GREB1: variants seen among roughly 807,000 people sequenced by gnomAD.
The protein encoded by GREB1 is growth regulating estrogen receptor binding 1, also known as protein GREB1.
In GREB1, 106 loss-of-function variants were observed where a neutral mutation model predicts 200.7. That is an observed-to-expected ratio of 0.53 (90% confidence interval 0.45 to 0.62). GREB1 has a LOEUF of 0.62. Ranked by LOEUF, GREB1 falls within the 20% of genes least tolerant of loss-of-function variation. The pLI, the probability that GREB1 is intolerant of heterozygous loss-of-function variation, is 0.00. For missense variants in GREB1, 2,243 were observed against 2,556.8 expected, an observed-to-expected ratio of 0.88 and a Z score of 2.65; for synonymous variants, 1,132 against 1,092.4, an observed-to-expected ratio of 1.04 and a Z score of -0.72.
At chr2:11,544,645 C>T (rs1349792021) in intron 1 of GREB1, among the ~76,000 whole-genome samples, 1 of 152,186 alleles carries the variant, frequency 6.6e-6, no homozygotes, top group African/African-American at 2.4e-5. Flanking sequence ...TTGGAATGGG[C>T]TGGAGCCAGA....
chr2:11,607,396 C>G (rs1455351654), intron 17 of GREB1, among the ~76,000 whole-genome samples: 2 of 150,328 alleles, frequency 1.3e-5, no homozygotes, highest in Non-Finnish European at 1.5e-5. Context: ...TCTATGTTAT[C>G]TAATCTGCTG....
intron 3 of GREB1, among the ~76,000 whole-genome samples, chr2:11,565,002 C>T (rs1244368547): frequency 6.6e-6 from 1 of 152,176 alleles, no homozygotes; most frequent in Non-Finnish European, 1.5e-5. Flanking sequence ...GAAAGACCCA[C>T]CCCCATGATT....
intron 10 of GREB1, chr2:11,591,733 A>G (rs1265957219): frequency 2.8e-6 from 1 of 362,468 alleles, no homozygotes; most frequent in South Asian, 3.2e-5. Context: ...CAAGATGTGC[A>G]TTGCAGAGGG....
intron 22 of GREB1, among the ~76,000 whole-genome samples, chr2:11,620,003 A>C (rs1258766375): frequency 6.6e-6 from 1 of 152,096 alleles, no homozygotes; most frequent in African/African-American, 2.4e-5. Context: ...TTTCAGACGG[A>C]GTCTCGCTCT....
At chr2:11,486,443 C>T (rs1320014137) in intron 1 of GREB1, among the ~76,000 whole-genome samples, 1 of 152,038 alleles carries the variant, frequency 6.6e-6, no homozygotes, top group Admixed American at 6.6e-5. Flanking sequence ...GGCAACCTCG[C>T]CCAGCCTAAT....
At chr2:11,509,203 C>G (rs1673281436) in intron 1 of GREB1, among the ~76,000 whole-genome samples, 1 of 152,132 alleles carries the variant, frequency 6.6e-6, no homozygotes, top group South Asian at 2.1e-4. Flanking sequence ...AGAATTCCCC[C>G]TAAGTCCAAA....
chr2:11,565,242 TGATGA>T (rs889702259), intron 3 of GREB1, among the ~76,000 whole-genome samples: 3 of 152,152 alleles, frequency 2.0e-5, no homozygotes, highest in Admixed American at 6.5e-5. Flanking sequence ...TTGCTGCAGG[TGATGA>T]GATGAGAGCT....
chr2:11,595,511 C>A, intron 12 of GREB1, 132 bp downstream of exon 12: 1 of 833,152 alleles, frequency 1.2e-6, no homozygotes, highest in Non-Finnish European at 1.9e-6. Context: ...GCCCCTCATT[C>A]TGTGCACTTG....
In GREB1 at chr2:11,612,628, G is replaced by T; in HGVS notation, c.3122+18G>T. 6.7e-7 allele frequency: 1 copy of T among 1,489,722 alleles called. No individual in the cohort carries two copies. The allele number at this position is 1,489,722 out of a possible 1,614,324, so 92.3% of individuals were successfully genotyped here. On this transcript the variant is annotated intron_variant, in intron 19 of 32. Transcript: ENST00000381486. ...TTGCCGAGGTGAGTGGAGGGGTTAT[G>T]CCCCTGGGGGTCTCTGAGGAGCTGG...
intron 1 of GREB1, among the ~76,000 whole-genome samples, chr2:11,528,183 A>G (rs1361058249): frequency 6.6e-6 from 1 of 152,250 alleles, no homozygotes; most frequent in East Asian, 1.9e-4. Context: ...TGTCTGAGGA[A>G]CAGATCACAA....
chr2:11,619,608 CGTT>C (rs1185962667), intron 22 of GREB1, among the ~76,000 whole-genome samples: 1 of 152,196 alleles, frequency 6.6e-6, no homozygotes, highest in Non-Finnish European at 1.5e-5. Flanking sequence ...AGTTTAAAAT[CGTT>C]GTCTCTTTGA....
At chr2:11,501,522 T>G (rs1447086333) in intron 1 of GREB1, among the ~76,000 whole-genome samples, 5 of 152,040 alleles carry the variant, frequency 3.3e-5, no homozygotes. Flanking sequence ...GCCTCCCAAA[T>G]AGCTGGGACT....
intron 1 of GREB1, among the ~76,000 whole-genome samples, chr2:11,511,265 G>C (rs755101945): frequency 1.3e-5 from 2 of 152,200 alleles, no homozygotes; most frequent in Middle Eastern, 3.4e-3. Context: ...TAGTTTTTCG[G>C]GTGCTACACA....
rs1679371576 is a variant in GREB1 at position 11,580,640 on chromosome 2, C to T, written c.773-64C>T. 7.2e-6 allele frequency: 11 copies of T among 1,531,310 alleles called. No individual in the cohort carries two copies. The Middle Eastern group carries it at 1.2e-3, about 171-fold the overall frequency. The allele number at this position is 1,531,310 out of a possible 1,614,324, so 94.9% of individuals were successfully genotyped here. On this transcript the variant is annotated intron_variant, in intron 6 of 32. Transcript: ENST00000381486. This position sits in a 1 kb window ranked among gnomAD's most constrained non-coding sequence, Gnocchi z 4.5. Reference sequence around the variant, plus strand: ...AAACTGCAAGGAAAATGATTTCCTCCTTGCCTGGCTCCCAGGGCATTCTTG... The same window carrying T: ...AAACTGCAAGGAAAATGATTTCCTCTTTGCCTGGCTCCCAGGGCATTCTTG...
At position 11,596,330 on chromosome 2, in the gene GREB1, G is replaced by C. The variant is rs1205776726; in HGVS notation, c.1954+91G>C. ...GTGGGCGCAGGTGTGCACAGTGAGA[G>C]GGGCCATGGCGCAAGTGTGCACAGT... On this transcript the variant is annotated intron_variant, in intron 13 of 32. Transcript: ENST00000381486. 12 of 1,188,806 alleles carry C rather than the reference G, an allele frequency of 1.0e-5. No individual in the cohort carries two copies. The Admixed American group carries it at 1.8e-4, about 18-fold the overall frequency. The allele number at this position is 1,188,806 out of a possible 1,614,324, so 73.6% of individuals were successfully genotyped here.
At position 11,631,993 on chromosome 2, in the gene GREB1, G is replaced by A. The variant is rs1288767844; in HGVS notation, c.4696G>A (p.Asp1566Asn). The change falls in exon 27 of 33, where the codon GAC becomes AAC. Residue 1566 changes from aspartate to asparagine, a missense_variant. Asp to Asn is a conservative substitution (Grantham distance 23). Around this residue, in one of 3 missense-constraint regions of GREB1, gnomAD observed 478 missense variants for 616.3 expected, o/e 0.78. Transcript: ENST00000381486. ...GCTCTTTAATCTGTACCACGCAATG[G>A]ACGGTGCCAGCCATTTGCACGTGCT... Reference protein sequence around the residue: ...HGLFNLYHAMDGASHLHVLVV... With the variant: ...HGLFNLYHAMNGASHLHVLVV... The A allele has an allele frequency of 6.2e-7, 1 of 1,614,042 alleles. No homozygotes were observed. The highest frequency in any genetic ancestry group is 8.5e-7 in the Non-Finnish European group (1 of 1,179,934).
chr2:11,624,506 G>A (rs925467568), intron 23 of GREB1, among the ~76,000 whole-genome samples: 2 of 152,016 alleles, frequency 1.3e-5, no homozygotes, highest in South Asian at 2.1e-4. Context: ...CACCATGCCC[G>A]GCTGATTTTT....
Position 11,618,307 on chromosome 2 carries a change from G to A in GREB1, c.3432G>A (p.Glu1144=). ...SKASGSALGG[E]SSAQPTALPQ... ...CCTCAGGTTCAGCGCTCGGTGGCGA[G>A]TCCTCGGCTCAGCCCACAGCACTCC... The change falls in exon 22 of 33, where the codon GAG becomes GAA. Residue 1144 remains glutamate, a synonymous_variant. Coordinates refer to ENST00000381486, the MANE Select transcript of GREB1 (RefSeq NM_014668.4). The A allele has an allele frequency of 1.3e-6, 2 of 1,571,938 alleles. No individual in the cohort carries two copies. Among genetic ancestry groups the A allele is most frequent in the Non-Finnish European group, 1.7e-6 (2 of 1,157,798 alleles).
intron 32 of GREB1, among the ~76,000 whole-genome samples, chr2:11,639,632 G>A (rs890373513): frequency 2.0e-5 from 3 of 152,186 alleles, no homozygotes; most frequent in South Asian, 2.1e-4. Flanking sequence ...GCTGACCTTC[G>A]CTTTCCTTGG....
Sources: allele counts gnomAD v4.1 joint callset (sites outside exome capture counted in the v4.1 genomes callset), GRCh38; gene constraint gnomAD v4.1.1; regional missense constraint gnomAD v4.1.1; non-coding constraint Gnocchi (gnomAD v3.1); transcripts MANE v1.5; gene names NCBI Gene and HGNC (gene_info 2026-07-23, HGNC 2026-07-21).